The following SLC26A8 variants were observed in gnomAD, a reference collection of about 807,000 sequenced individuals.
SLC26A8 encodes testis anion transporter 1.
In SLC26A8, 70 loss-of-function variants were observed where a neutral mutation model predicts 105.0. That is an observed-to-expected ratio of 0.67 (90% CI 0.55 to 0.81). The LOEUF (loss-of-function observed/expected upper bound fraction) is 0.81, where lower values mean the gene tolerates loss of function less well. Among genes scored for constraint, SLC26A8 ranks in the 40% least tolerant of loss-of-function variants. The pLI is 0.00. For missense variants in SLC26A8, 998 were observed against 1,181.8 expected (o/e 0.84, Z 2.28); for synonymous variants, 415 against 438.3 (o/e 0.95, Z 0.66).
chr6:36,019,725 G>C lies in SLC26A8; in HGVS notation c.-2-16C>G. ...TGTGCCATTCCTGGATGAGTGGAAA[G>C]AGAGCAAATAAAAGAGCATTTTCAG... On this transcript the variant is annotated splice_polypyrimidine_tract_variant and intron_variant, in intron 1 of 19. Coordinates refer to ENST00000490799, the MANE Select transcript of SLC26A8 (RefSeq NM_052961.4). 1 of 1,591,448 alleles carries C rather than the reference G, an allele frequency of 6.3e-7. No homozygotes were observed. The highest frequency in any genetic ancestry group is 1.1e-5 in the South Asian group (1 of 87,964).
intron 1 of SLC26A8, among the ~76,000 whole-genome samples, chr6:36,022,242 C>T (rs2127378825): frequency 6.6e-6 from 1 of 152,364 alleles, no homozygotes; most frequent in East Asian, 1.9e-4. Flanking sequence ...GCTGGGATTA[C>T]AGGCGTGAGC....
chr6:35,963,216 G>C (rs913084337), intron 11 of SLC26A8, among the ~76,000 whole-genome samples: 2 of 152,162 alleles, frequency 1.3e-5, no homozygotes, highest in African/African-American at 4.8e-5. Context: ...AGGGAGCAAA[G>C]ACCACCTGAT....
At chr6:35,999,912 A>G in intron 4 of SLC26A8, 80 bp downstream of exon 4, 1 of 928,128 alleles carries the variant, frequency 1.1e-6, no homozygotes, top group Middle Eastern at 2.2e-4. Context: ...TTAAAGCTTT[A>G]TGTTGGGTAC....
chr6:35,955,847 T>C (rs1372791356), intron 16 of SLC26A8, among the ~76,000 whole-genome samples: 1 of 152,198 alleles, frequency 6.6e-6, no homozygotes, highest in Non-Finnish European at 1.5e-5. Context: ...CAGTGCCTAC[T>C]AATACTTTGT....
At chr6:35,968,607 GTGTATATATATATATA>G (rs1287158053) in intron 11 of SLC26A8, among the ~76,000 whole-genome samples, 36 of 47,038 alleles carry the variant, frequency 7.7e-4, no homozygotes, top group South Asian at 2.8e-3. Flanking sequence ...GTGTGTGTGT[GTGTATATATATATATA>G]TATATATATA....
intron 3 of SLC26A8, among the ~76,000 whole-genome samples, chr6:36,004,269 G>T (rs1367316754): frequency 6.6e-6 from 1 of 151,432 alleles, no homozygotes; most frequent in African/African-American, 2.4e-5. Context: ...TAGAGACAGG[G>T]TGTCACTGTG....
chr6:35,975,979 A>G (rs1773003548), intron 9 of SLC26A8, among the ~76,000 whole-genome samples: 1 of 152,040 alleles, frequency 6.6e-6, no homozygotes, highest in Non-Finnish European at 1.5e-5. Context: ...GACTAAACCA[A>G]ATCATCATTT....
intron 9 of SLC26A8, among the ~76,000 whole-genome samples, chr6:35,976,674 G>A (rs1773047775): frequency 6.6e-6 from 1 of 150,770 alleles, no homozygotes; most frequent in South Asian, 2.1e-4. Flanking sequence ...CCGAGTAGCT[G>A]GGAGCACAGG....
intron 19 of SLC26A8, among the ~76,000 whole-genome samples, chr6:35,948,390 A>T (rs1355780253): frequency 6.6e-6 from 1 of 152,176 alleles, no homozygotes; most frequent in African/African-American, 2.4e-5. Flanking sequence ...GGAGTTCGAG[A>T]CCAGCCTGGG....
Position 35,976,659 on chromosome 6 carries a change from G to A in SLC26A8, c.1173+545C>T, listed in dbSNP as rs150209148. Among the ~76,000 whole-genome samples the A allele has an allele frequency of 6.6e-3, 972 of 147,728 alleles. 12 individuals are homozygous for A. Among genetic ancestry groups the A allele is most frequent in the African/African-American group, 0.023 (911 of 39,780 alleles). Reference sequence around the variant, plus strand: ...GGGTTCACGCCATTCTCCTGCCTCTGCCTCCCGAGTAGCTGGGAGCACAGG... The same window carrying A: ...GGGTTCACGCCATTCTCCTGCCTCTACCTCCCGAGTAGCTGGGAGCACAGG... On this transcript the variant is annotated intron_variant, in intron 9 of 19. Transcript: ENST00000490799.
intron 17 of SLC26A8, among the ~76,000 whole-genome samples, chr6:35,951,831 G>A (rs556263659): frequency 6.6e-5 from 10 of 152,286 alleles, no homozygotes; most frequent in Admixed American, 2.0e-4. Flanking sequence ...CTGCCTCGAC[G>A]TCCCAAAATG....
chr6:35,946,679 C>G (rs1481827887), intron 19 of SLC26A8, among the ~76,000 whole-genome samples: 1 of 152,150 alleles, frequency 6.6e-6, no homozygotes, highest in East Asian at 1.9e-4. Context: ...TTTTTAAAAA[C>G]ATAGTAGATA....
intron 7 of SLC26A8, among the ~76,000 whole-genome samples, chr6:35,985,769 C>G (rs1773493331): frequency 6.7e-6 from 1 of 148,182 alleles, no homozygotes; most frequent in Non-Finnish European, 1.5e-5. Flanking sequence ...GACTACAAAG[C>G]TGCAGCCTCC....
chr6:35,944,202 C>A lies in SLC26A8; in HGVS notation c.2611G>T (p.Gly871Trp). The change falls in exon 20 of 20, where the codon GGG (glycine) becomes TGG (tryptophan). Residue 871 changes from glycine (G) to tryptophan (W), a missense_variant. Transcript: ENST00000490799. ...TCCAGGTCTAGGTCCAGACCCAGCC[C>A]AGCCTCTTGTTCTGATTCCAGCTCC... ...DLELESEQEA[G>W]LGLDLDLDRE... 4 of 1,614,026 alleles carry A rather than the reference C, an allele frequency of 2.5e-6. No individual in the cohort carries two copies. The highest frequency in any genetic ancestry group is 3.4e-6 in the Non-Finnish European group (4 of 1,179,940).
Position 36,019,536 on chromosome 6 carries a change from G to A in SLC26A8, c.172C>T (p.His58Tyr), listed in dbSNP as rs1173949865. ...CACACGCACCGGCACTGGACGTGGTGTCTGAAGGTGGTGATGTTGATGTTC... is the reference window on the plus strand; with the variant it reads ...CACACGCACCGGCACTGGACGTGGTATCTGAAGGTGGTGATGTTGATGTTC... Reference protein sequence around the residue: ...NMNINITTFRHHVQCRCSWHR... With the variant: ...NMNINITTFRYHVQCRCSWHR... The change falls in exon 2 of 20, where the codon CAC becomes TAC. Residue 58 changes from histidine (H) to tyrosine (Y), a missense_variant. Coordinates refer to ENST00000490799, the MANE Select transcript of SLC26A8 (RefSeq NM_052961.4). 7 of 1,613,582 alleles carry A rather than the reference G, an allele frequency of 4.3e-6. No individual in the cohort carries two copies. The East Asian group carries it at 1.6e-4, about 36-fold the overall frequency.
chr6:36,012,709 T>C (rs1761894993), intron 2 of SLC26A8, among the ~76,000 whole-genome samples: 1 of 152,234 alleles, frequency 6.6e-6, no homozygotes, highest in Non-Finnish European at 1.5e-5. Context: ...GTGCTATGTA[T>C]ATGTCAAGAA....
At chr6:35,975,058 A>C (rs1233760429) in intron 10 of SLC26A8, among the ~76,000 whole-genome samples, 1 of 152,122 alleles carries the variant, frequency 6.6e-6, no homozygotes, top group Non-Finnish European at 1.5e-5. Flanking sequence ...ACACTTGGCC[A>C]GTTTACCTAA....
intron 5 of SLC26A8, among the ~76,000 whole-genome samples, chr6:35,994,357 G>A (rs1310354681): frequency 2.0e-5 from 3 of 151,672 alleles, no homozygotes; most frequent in Non-Finnish European, 4.4e-5. Flanking sequence ...CTTGTGATCC[G>A]CCCGCCTCGG....
chr6:36,006,685 T>A (rs1207377534), intron 3 of SLC26A8, among the ~76,000 whole-genome samples: 3 of 152,226 alleles, frequency 2.0e-5, no homozygotes, highest in East Asian at 3.8e-4. Context: ...AGAAATTTTA[T>A]TCATAGAAAT....
Sources: gnomAD v4.1 joint callset for allele counts (sites outside exome capture counted in the v4.1 genomes callset) on GRCh38, gnomAD v4.1.1 for gene constraint, MANE v1.5 for transcripts, NCBI Gene and HGNC (gene_info 2026-07-23, HGNC 2026-07-21) for gene names.